The following ERBB4 variants were observed in gnomAD, a reference collection of about 807,000 sequenced individuals.
ERBB4 encodes the protein erb-b2 receptor tyrosine kinase 4, also known as receptor tyrosine-protein kinase erbB-4.
ERBB4 carries 42 observed loss-of-function variants against 158.0 expected under a neutral mutation model. That is an observed-to-expected ratio of 0.27 (90% CI 0.21 to 0.34). The LOEUF (loss-of-function observed/expected upper bound fraction) is 0.34, where lower values mean the gene tolerates loss of function less well. Among genes scored for constraint, ERBB4 ranks in the 10% least tolerant of loss-of-function variants. The pLI is 1.00. For missense variants in ERBB4, 1,333 were observed against 1,624.1 expected, an observed-to-expected ratio of 0.82 and a Z score of 3.08; for synonymous variants, 583 against 558.7, an observed-to-expected ratio of 1.04 and a Z score of -0.61.
At chr2:211,549,896 T>G (rs12470850) in intron 20 of ERBB4, among the ~76,000 whole-genome samples, 32,121 of 151,944 alleles carry the variant, frequency 0.21, 4,037 homozygotes, top group African/African-American at 0.35. Context: ...TTTGTGTGCC[T>G]CTTCAGGTTC....
At chr2:211,821,951 ATT>A (rs2077005549) in intron 3 of ERBB4, among the ~76,000 whole-genome samples, 1 of 152,004 alleles carries the variant, frequency 6.6e-6, no homozygotes, top group Non-Finnish European at 1.5e-5. Flanking sequence ...TTGGGAAAAG[ATT>A]TTATGAATAA....
At chr2:211,579,152 A>C (rs1475005260) in intron 19 of ERBB4, among the ~76,000 whole-genome samples, 1 of 152,222 alleles carries the variant, frequency 6.6e-6, no homozygotes, top group Non-Finnish European at 1.5e-5. Context: ...ACATGAACAG[A>C]CACTTCTCAA....
rs115296966 is a variant in ERBB4, at chr2:211,430,833, G to T, written c.2643+112C>A. On this transcript the variant is annotated intron_variant, in intron 21 of 27. Coordinates refer to ENST00000342788, the MANE Select transcript of ERBB4 (RefSeq NM_005235.3). ...AGAAGAGGCAAATGGTAGAACCAAGGCTTAATAATCTCCTAAGCTTCAGGC... is the reference window on the plus strand; with the variant it reads ...AGAAGAGGCAAATGGTAGAACCAAGTCTTAATAATCTCCTAAGCTTCAGGC... The T allele has an allele frequency of 3.1e-3, 2,921 of 945,004 alleles. 55 individuals are homozygous for T. The African/African-American group carries it at 0.039, about 13-fold the overall frequency. 58.5% of individuals were successfully genotyped at this position (945,004 alleles called of 1,614,324 possible).
At chr2:212,524,882 C>T (rs893677205) in intron 1 of ERBB4, among the ~76,000 whole-genome samples, 5 of 151,746 alleles carry the variant, frequency 3.3e-5, no homozygotes, top group Non-Finnish European at 5.9e-5. Context: ...ATTTAGTGAC[C>T]GTAATGTCAA....
chr2:212,003,219 A>C (rs759006658), intron 2 of ERBB4, among the ~76,000 whole-genome samples: 3,392 of 58,432 alleles, frequency 0.058, 267 homozygotes, highest in Non-Finnish European at 0.087. Flanking sequence ...GAAAGAAGGA[A>C]GGAAGGAAGG....
intron 1 of ERBB4, among the ~76,000 whole-genome samples, chr2:212,206,753 A>AT (rs1036177907): frequency 3.3e-5 from 5 of 151,020 alleles, no homozygotes; most frequent in Admixed American, 6.6e-5. Flanking sequence ...CGCCCAGCTA[A>AT]TTTTTTTTGT....
chr2:211,605,224 G>A (rs9677658), intron 19 of ERBB4, among the ~76,000 whole-genome samples: 2,997 of 152,196 alleles, frequency 0.02, 74 homozygotes, highest in African/African-American at 0.058. Flanking sequence ...TTATTGATTA[G>A]AAATGGGCAA....
chr2:212,343,236 A>G (rs1227994180), intron 1 of ERBB4, among the ~76,000 whole-genome samples: 2 of 152,176 alleles, frequency 1.3e-5, no homozygotes, highest in Non-Finnish European at 2.9e-5. Context: ...TTTTTATTCT[A>G]TGTGGATCTA....
chr2:211,738,735 T>C lies in ERBB4; in HGVS notation c.622+11904A>G, dbSNP rs187216917. On this transcript the variant is annotated intron_variant, in intron 5 of 27. Transcript: ENST00000342788. ...AGACTAGAGTGCAATGGTGTGATCT[T>C]GGCTCACTGCAACCTCTGCCTCCTG... is the stretch of plus-strand genomic sequence containing the variant. Among the ~76,000 whole-genome samples the C allele has an allele frequency of 5.0e-3, 752 of 151,532 alleles. 2 individuals are homozygous for C. The highest frequency in any genetic ancestry group is 6.8e-3 in the Non-Finnish European group (464 of 67,858).
intron 3 of ERBB4, among the ~76,000 whole-genome samples, chr2:211,860,386 G>A (rs1045935327): frequency 4.6e-5 from 7 of 152,134 alleles, no homozygotes; most frequent in Admixed American, 1.3e-4. Context: ...GTTTTAGCAA[G>A]CACCAAGGAA....
chr2:211,940,172 T>C (rs887879918), intron 3 of ERBB4, among the ~76,000 whole-genome samples: 4 of 152,088 alleles, frequency 2.6e-5, no homozygotes, highest in African/African-American at 9.7e-5. Context: ...TACTTTGCAG[T>C]TCAGGGTCTG....
intron 2 of ERBB4, among the ~76,000 whole-genome samples, chr2:212,020,645 C>A (rs2076628580): frequency 6.6e-6 from 1 of 151,976 alleles, no homozygotes; most frequent in Non-Finnish European, 1.5e-5. Flanking sequence ...GTTTTTATTG[C>A]CTCATACACT....
chr2:211,498,480 A>G (rs1174385185), intron 20 of ERBB4, among the ~76,000 whole-genome samples: 1 of 152,108 alleles, frequency 6.6e-6, no homozygotes, highest in Non-Finnish European at 1.5e-5. Context: ...GCTTATAATT[A>G]TTTCTAAATA....
intron 3 of ERBB4, among the ~76,000 whole-genome samples, chr2:211,798,542 T>C (rs1053351122): frequency 6.6e-6 from 1 of 152,118 alleles, no homozygotes; most frequent in Non-Finnish European, 1.5e-5. Context: ...ACAGATAATA[T>C]ATACAAAACT....
chr2:212,414,689 G>A lies in ERBB4; in HGVS notation c.82+123760C>T, dbSNP rs2091601872. ...TGCAATATGCAGAAATTATAAATGA[G>A]TACAGACTTTCTTTATTTCCTAGCT... On this transcript the variant is annotated intron_variant, in intron 1 of 27. Coordinates refer to ENST00000342788, the MANE Select transcript of ERBB4 (RefSeq NM_005235.3). Among the ~76,000 whole-genome samples, 3 of 152,138 alleles carry A rather than the reference G, an allele frequency of 2.0e-5. No homozygotes were observed. In the South Asian group the frequency reaches 6.2e-4, roughly 32 times the overall value.
chr2:211,993,788 G>C (rs1260031253), intron 2 of ERBB4, among the ~76,000 whole-genome samples: 1 of 149,398 alleles, frequency 6.7e-6, no homozygotes, highest in African/African-American at 2.5e-5. Flanking sequence ...TTAAAAAAAA[G>C]AAACTTAAAA....
intron 1 of ERBB4, among the ~76,000 whole-genome samples, chr2:212,472,764 CTAAA>C (rs1324505063): frequency 1.3e-5 from 2 of 151,730 alleles, no homozygotes; most frequent in African/African-American, 2.4e-5. Flanking sequence ...ATAAAATTTC[CTAAA>C]TAGTCTCAAT....
At chr2:211,993,749 G>A (rs1290533088) in intron 2 of ERBB4, among the ~76,000 whole-genome samples, 2 of 150,404 alleles carry the variant, frequency 1.3e-5, no homozygotes, top group Middle Eastern at 3.4e-3. Context: ...AATTAGATTT[G>A]ATTAAAATAT....
intron 3 of ERBB4, among the ~76,000 whole-genome samples, chr2:211,912,662 G>A (rs188902824): frequency 8.4e-4 from 128 of 152,204 alleles, no homozygotes; most frequent in African/African-American, 2.9e-3. Flanking sequence ...ATATCTCTTT[G>A]ACATAATTTG....
Sources: allele counts gnomAD v4.1 joint callset (sites outside exome capture counted in the v4.1 genomes callset), GRCh38; gene constraint gnomAD v4.1.1; transcripts MANE v1.5; gene names NCBI Gene and HGNC (gene_info 2026-07-23, HGNC 2026-07-21).